SCN1A: variants seen among roughly 807,000 people sequenced by gnomAD.
SCN1A encodes the protein sodium voltage-gated channel alpha subunit 1, also known as sodium channel protein type 1 subunit alpha.
Under a neutral mutation model 193.7 loss-of-function variants are expected in SCN1A, and 13 were observed. The ratio of observed to expected loss-of-function variants is 0.07; its 90% CI spans 0.04 to 0.11. The LOEUF is 0.11. SCN1A is among the 10% of genes least tolerant of loss of function. The pLI is 1.00. For synonymous variants in SCN1A, 781 were observed against 843.6 expected, an observed-to-expected ratio of 0.93 and a Z score of 1.29; for missense variants, 1,432 against 2,451.1, an observed-to-expected ratio of 0.58 and a Z score of 8.78.
intron 20 of SCN1A, among the ~76,000 whole-genome samples, chr2:166,015,004 A>G (rs1693086533): frequency 6.6e-6 from 1 of 151,816 alleles, no homozygotes; most frequent in Non-Finnish European, 1.5e-5. Context: ...GCCTATGAAA[A>G]AATAACATCA....
intron 5 of SCN1A, among the ~76,000 whole-genome samples, chr2:166,057,148 A>T (rs1426952768): frequency 6.6e-6 from 1 of 152,062 alleles, no homozygotes; most frequent in African/African-American, 2.4e-5. Flanking sequence ...GTTGGCCAAG[A>T]GACTCAACCT....
intron 9 of SCN1A, among the ~76,000 whole-genome samples, chr2:166,050,885 C>T (rs1440722991): frequency 6.6e-6 from 1 of 151,516 alleles, no homozygotes; most frequent in African/African-American, 2.4e-5. Context: ...TTAGGTATCA[C>T]TTTATTTCCT....
chr2:166,011,231 A>C (rs1368205537), intron 22 of SCN1A, among the ~76,000 whole-genome samples: 1 of 151,214 alleles, frequency 6.6e-6, no homozygotes, highest in Non-Finnish European at 1.5e-5. Flanking sequence ...CTCAAGAAAC[A>C]CTTTCCACAA....
chr2:166,030,071 A>C (rs540942024), intron 19 of SCN1A, among the ~76,000 whole-genome samples: 1 of 152,196 alleles, frequency 6.6e-6, no homozygotes, highest in Non-Finnish European at 1.5e-5. Context: ...TCTATAGTTG[A>C]CACCTGTACC....
chr2:166,013,692 T>G, intron 21 of SCN1A, 52 bp downstream of exon 21: 4 of 1,526,356 alleles, frequency 2.6e-6, no homozygotes, highest in Non-Finnish European at 3.6e-6. Flanking sequence ...GTCATCAGTA[T>G]TAGAGTGTTC....
Position 165,994,236 on chromosome 2 carries a change from A to C in SCN1A, c.4762T>G (p.Cys1588Gly). The change falls in exon 28 of 29, where the codon TGT becomes GGT. Residue 1588 changes from cysteine (C) to glycine (G), a missense_variant. Physicochemically the swap from Cys to Gly is radical, Grantham distance 159 (BLOSUM62 -3). Around this residue, in one of 18 missense-constraint regions of SCN1A, gnomAD observed 85 missense variants for 213.2 expected, o/e 0.40. Coordinates refer to ENST00000674923, the MANE Select transcript of SCN1A (RefSeq NM_001165963.4). ...CGTAGAGAGATGAGTTTCAGTACAC[A>C]CTCTCCAGTAAATAGCACAATGAAC... ...LVFIVLFTGECVLKLISLRHY... is the reference protein window; with the variant it reads ...LVFIVLFTGEGVLKLISLRHY... 6.2e-7 allele frequency: 1 copy of C among 1,612,966 alleles called. No homozygotes were observed. The highest frequency in any genetic ancestry group is 8.5e-7 in the Non-Finnish European group (1 of 1,179,358).
intron 2 of SCN1A, among the ~76,000 whole-genome samples, chr2:166,089,514 C>T (rs77758570): frequency 0.026 from 3,956 of 152,038 alleles, 169 homozygotes; most frequent in African/African-American, 0.09. Flanking sequence ...GCATTTCTCA[C>T]TGTCAAAGTG....
chr2:166,109,594 C>T (rs994968329), intron 2 of SCN1A: 7 of 152,186 alleles, frequency 4.6e-5, no homozygotes, highest in African/African-American at 1.7e-4. Context: ...GTATCTGTGT[C>T]ACATTTTGGT....
intron 12 of SCN1A, 130 bp downstream of exon 12, chr2:166,046,640 A>G (rs1176295790): frequency 3.6e-6 from 3 of 826,860 alleles, no homozygotes; most frequent in Admixed American, 4.8e-5. Flanking sequence ...AAGTAAGTGG[A>G]TCATCAAAAT....
Position 165,991,449 on chromosome 2 carries a change from G to A in SCN1A, c.5826C>T (p.Tyr1942=), listed in dbSNP as rs778461826. 5 of 1,613,704 alleles carry A rather than the reference G, an allele frequency of 3.1e-6. No homozygotes were observed. The East Asian group carries it at 8.9e-5, about 29-fold the overall frequency. The change falls in exon 29 of 29, where the codon TAC becomes TAT. Residue 1942 remains tyrosine, a synonymous_variant. Coordinates refer to ENST00000674923, the MANE Select transcript of SCN1A (RefSeq NM_001165963.4). ...KRTVKQASFT[Y]NKNKIKGGAN... ...CCCCACCTTTGATTTTGTTTTTATTGTACGTAAAGGAAGCTTGTTTTACAG... is the reference window on the plus strand; with the variant it reads ...CCCCACCTTTGATTTTGTTTTTATTATACGTAAAGGAAGCTTGTTTTACAG...
intron 5 of SCN1A, 144 bp downstream of exon 5, chr2:166,058,426 A>G (rs1030111705): frequency 6.9e-5 from 37 of 536,194 alleles, no homozygotes; most frequent in Non-Finnish European, 1.2e-4. Flanking sequence ...AACTTTAAGA[A>G]TGAGGCTAAT....
At chr2:166,051,565 A>G (rs1698554276) in intron 9 of SCN1A, among the ~76,000 whole-genome samples, 154 bp downstream of exon 9, 1 of 151,928 alleles carries the variant, frequency 6.6e-6, no homozygotes, top group South Asian at 2.1e-4. Flanking sequence ...GTGTTTCTAT[A>G]TATGGGGTAC....
At chr2:166,023,305 G>A (rs1342618429) in intron 19 of SCN1A, among the ~76,000 whole-genome samples, 5 of 152,176 alleles carry the variant, frequency 3.3e-5, no homozygotes, top group African/African-American at 1.2e-4. Context: ...CTCCAGTGGA[G>A]CCAACAACCT....
rs1372796649 is a variant in SCN1A, at chr2:166,117,967, A to AG, written c.-142+8956_-142+8957insC. On this transcript the variant is annotated intron_variant, in intron 2 of 28. Coordinates refer to ENST00000674923, the MANE Select transcript of SCN1A (RefSeq NM_001165963.4). ...AATAGAGTGAGACTCTGTCTCAAAA[A>AG]AAAAAATTTTTTTTTTGATTTTTTG... is the stretch of plus-strand genomic sequence containing the variant. Among the ~76,000 whole-genome samples, 8 of 148,744 alleles carry AG rather than the reference A, an allele frequency of 5.4e-5. No individual in the cohort carries two copies. In the East Asian group the frequency reaches 1.6e-3, roughly 29 times the overall value.
chr2:166,141,363 T>C (rs1253191065), intron 1 of SCN1A, among the ~76,000 whole-genome samples: 1 of 151,972 alleles, frequency 6.6e-6, no homozygotes, highest in East Asian at 1.9e-4. Flanking sequence ...ATCTGAAATA[T>C]ACGTGTTTTA....
At chr2:166,140,784 T>TA (rs1213333509) in intron 1 of SCN1A, among the ~76,000 whole-genome samples, 6 of 152,226 alleles carry the variant, frequency 3.9e-5, no homozygotes, top group Non-Finnish European at 8.8e-5. Context: ...GCTCATTTTC[T>TA]AAAAACAAGT....
chr2:166,036,639 C>A, intron 18 of SCN1A, 109 bp from the exon 19 acceptor site: 1 of 1,150,042 alleles, frequency 8.7e-7, no homozygotes, highest in South Asian at 1.4e-5. Flanking sequence ...AGTTCTAAAA[C>A]TTGATGAGAA....
chr2:166,037,805 T>C lies in SCN1A; in HGVS notation c.2917A>G (p.Met973Val), dbSNP rs121917991. 3.1e-6 allele frequency: 5 copies of C among 1,614,176 alleles called. No individual in the cohort carries two copies. Among genetic ancestry groups the C allele is most frequent in the Non-Finnish European group, 4.2e-6 (5 of 1,180,028 alleles). The stretch of plus-strand genomic sequence containing the variant: ...AGGTTTCCAATCACCATGACCATCA[T>C]GAAGACAGTAAGGCACATGGCTTGA... ...AGQAMCLTVF[M>V]MVMVIGNLVV... is the part of the protein sequence containing the mutation. The change falls in exon 18 of 29, where the codon ATG becomes GTG. Residue 973 changes from methionine to valine, a missense_variant. Coordinates refer to ENST00000674923, the MANE Select transcript of SCN1A (RefSeq NM_001165963.4).
intron 1 of SCN1A, among the ~76,000 whole-genome samples, chr2:166,141,689 A>G (rs41486745): frequency 0.013 from 1,973 of 152,084 alleles, 41 homozygotes; most frequent in African/African-American, 0.045. Context: ...ATCAGTTCTC[A>G]GATGATAAAC....
Sources: allele counts gnomAD v4.1 joint callset (sites outside exome capture counted in the v4.1 genomes callset), GRCh38; gene constraint gnomAD v4.1.1; regional missense constraint gnomAD v4.1.1; transcripts MANE v1.5; gene names NCBI Gene and HGNC (gene_info 2026-07-23, HGNC 2026-07-21).